Variants in ST6GAL1 observed in about 807,000 individuals in gnomAD.
The protein encoded by ST6GAL1 is ST6 beta-galactoside alpha-2,6-sialyltransferase 1.
Under a neutral mutation model 38.0 loss-of-function variants are expected in ST6GAL1, and 20 were observed. The ratio of observed to expected loss-of-function variants is 0.53; its 90% confidence interval spans 0.37 to 0.77. The LOEUF is 0.77. Ranked by LOEUF, ST6GAL1 falls within the 30% of genes least tolerant of loss-of-function variation. ST6GAL1 has a pLI of 0.00. For synonymous variants in ST6GAL1, 196 were observed against 188.2 expected (o/e 1.04, Z -0.34); for missense variants, 432 against 496.4 (o/e 0.87, Z 1.23).
chr3:187,015,963 T>A (rs138188917), intron 2 of ST6GAL1, among the ~76,000 whole-genome samples: 1 of 152,376 alleles, frequency 6.6e-6, no homozygotes, highest in Non-Finnish European at 1.5e-5. Context: ...AGGTTTCTTA[T>A]CTGTGAGATG....
chr3:186,992,101 A>G (rs1716192265), intron 2 of ST6GAL1, among the ~76,000 whole-genome samples: 1 of 152,136 alleles, frequency 6.6e-6, no homozygotes, highest in African/African-American at 2.4e-5. Context: ...CCAAAATTCT[A>G]AATGTAGTAC....
At chr3:186,985,412 T>C (rs568692302) in intron 2 of ST6GAL1, among the ~76,000 whole-genome samples, 1 of 110,784 alleles carries the variant, frequency 9.0e-6, no homozygotes, top group Admixed American at 9.6e-5. Context: ...ACTTAGCAAA[T>C]GTTTAATACA....
In ST6GAL1 at chr3:187,043,231, C is replaced by A; in HGVS notation, c.528C>A (p.Thr176=). Residue 176 remains threonine, a synonymous_variant, in exon 4 of 8, where the codon ACC becomes ACA. Transcript: ENST00000169298. ...ATCTGCCCAAGGAGAGCATTAGGAC[C>A]AAGGCTGGGCCTTGGGGCAGGTGTG... ...EGYLPKESIR[T]KAGPWGRCAV... 1 of 1,614,186 alleles carries A rather than the reference C, an allele frequency of 6.2e-7. No individual in the cohort carries two copies. Among genetic ancestry groups the A allele is most frequent in the South Asian group, 1.1e-5 (1 of 91,078 alleles).
chr3:187,068,161 T>C (rs1719234654), intron 5 of ST6GAL1, among the ~76,000 whole-genome samples: 1 of 151,980 alleles, frequency 6.6e-6, no homozygotes, highest in South Asian at 2.1e-4. Context: ...GCTAACACAG[T>C]GAAACCCCAT....
At chr3:187,014,567 C>T (rs115965135) in intron 2 of ST6GAL1, among the ~76,000 whole-genome samples, 1 of 152,344 alleles carries the variant, frequency 6.6e-6, no homozygotes, top group African/African-American at 2.4e-5. Context: ...CTTACATCTC[C>T]ATCCTCCTAA....
chr3:187,049,940 CT>C (rs1718451898), intron 4 of ST6GAL1, among the ~76,000 whole-genome samples: 1 of 152,190 alleles, frequency 6.6e-6, no homozygotes, highest in African/African-American at 2.4e-5. Flanking sequence ...TGTACCTGCC[CT>C]GTAAGATGAT....
At chr3:187,002,384 A>G (rs1246328595) in intron 2 of ST6GAL1, among the ~76,000 whole-genome samples, 2 of 152,234 alleles carry the variant, frequency 1.3e-5, no homozygotes, top group Non-Finnish European at 2.9e-5. Context: ...ATTCTTTAGG[A>G]AATGCAAAGA....
chr3:187,026,383 C>G (rs1024790457), intron 2 of ST6GAL1, among the ~76,000 whole-genome samples: 2 of 152,226 alleles, frequency 1.3e-5, no homozygotes, highest in East Asian at 3.9e-4. Flanking sequence ...GTTGTTGCTG[C>G]AGGAATTAAA....
intron 1 of ST6GAL1, among the ~76,000 whole-genome samples, chr3:186,951,761 C>T (rs889879788): frequency 1.3e-5 from 2 of 152,160 alleles, no homozygotes; most frequent in African/African-American, 4.8e-5. Flanking sequence ...TGTCTTAGTC[C>T]ATTCAGGCTG....
chr3:186,946,445 G>A (rs545246085), intron 1 of ST6GAL1, among the ~76,000 whole-genome samples: 16 of 152,018 alleles, frequency 1.1e-4, no homozygotes, highest in African/African-American at 2.7e-4. Context: ...GCAGTGGCGC[G>A]GTCACTGCTC....
At chr3:187,046,634 A>T (rs1718307391) in intron 4 of ST6GAL1, among the ~76,000 whole-genome samples, 1 of 152,178 alleles carries the variant, frequency 6.6e-6, no homozygotes, top group South Asian at 2.1e-4. Flanking sequence ...AGTTTGAGGG[A>T]TGTTGGCTGT....
intron 1 of ST6GAL1, among the ~76,000 whole-genome samples, chr3:186,934,597 A>G (rs577305996): frequency 6.6e-6 from 1 of 152,078 alleles, no homozygotes; most frequent in Admixed American, 6.5e-5. Flanking sequence ...AACAACAGAA[A>G]ACCAGCAGGC....
At chr3:187,010,163 A>C (rs1282060988) in intron 2 of ST6GAL1, among the ~76,000 whole-genome samples, 1 of 152,110 alleles carries the variant, frequency 6.6e-6, no homozygotes, top group Non-Finnish European at 1.5e-5. Flanking sequence ...GCTTCTCTGA[A>C]TACTTCTTTT....
chr3:187,066,850 C>T (rs1990676), intron 5 of ST6GAL1, among the ~76,000 whole-genome samples: 3 of 151,880 alleles, frequency 2.0e-5, no homozygotes, highest in Non-Finnish European at 2.9e-5. Context: ...AGGTCACACT[C>T]CCCCTGCAGG....
At chr3:186,942,964 A>C (rs1714230849) in intron 1 of ST6GAL1, among the ~76,000 whole-genome samples, 1 of 152,190 alleles carries the variant, frequency 6.6e-6, no homozygotes, top group South Asian at 2.1e-4. Flanking sequence ...CGGCCTCCCA[A>C]AGTGCTGGGA....
In ST6GAL1 at chr3:187,031,645, G is replaced by A. The variant is rs558560145; in HGVS notation, c.-182-7097G>A. On this transcript the variant is annotated intron_variant, in intron 2 of 7. Coordinates refer to ENST00000169298, the MANE Select transcript of ST6GAL1 (RefSeq NM_173216.2). ...AGACGGGTTTTCACCATGTTGGTCA[G>A]GCTGGTCACGGGCTTCTGACTTCAA... 1.4e-4 allele frequency among the ~76,000 whole-genome samples: 21 copies of A among 152,228 alleles called. No individual in the cohort carries two copies. The South Asian group carries it at 3.9e-3, about 29-fold the overall frequency.
At chr3:186,973,503 T>C (rs11720551) in intron 2 of ST6GAL1, among the ~76,000 whole-genome samples, 52,405 of 152,056 alleles carry the variant, frequency 0.34, 9,807 homozygotes, top group Middle Eastern at 0.46. Flanking sequence ...CTTGACTGCA[T>C]TGTAGAGACT....
chr3:187,055,155 C>T (rs931919916), intron 5 of ST6GAL1, among the ~76,000 whole-genome samples: 28 of 151,606 alleles, frequency 1.8e-4, no homozygotes, highest in African/African-American at 6.3e-4. Context: ...CCCAATTTAT[C>T]GTTTTTTATT....
intron 2 of ST6GAL1, among the ~76,000 whole-genome samples, chr3:187,027,739 G>A (rs567275085): frequency 6.6e-6 from 1 of 152,304 alleles, no homozygotes; most frequent in East Asian, 1.9e-4. Context: ...GGCTGGGTAG[G>A]TGGAGAGCTG....
Sources: gnomAD v4.1 joint callset for allele counts (sites outside exome capture counted in the v4.1 genomes callset) on GRCh38, gnomAD v4.1.1 for gene constraint, MANE v1.5 for transcripts, NCBI Gene and HGNC (gene_info 2026-07-23, HGNC 2026-07-21) for gene names.